The following SIPA1L1 variants were observed in gnomAD, a reference collection of about 807,000 sequenced individuals.
SIPA1L1 encodes the protein signal induced proliferation associated 1 like 1.
Under a neutral mutation model 162.7 loss-of-function variants are expected in SIPA1L1, and 26 were observed. The ratio of observed to expected loss-of-function variants is 0.16; its 90% CI spans 0.12 to 0.22. The LOEUF (loss-of-function observed/expected upper bound fraction) is 0.22. Among genes scored for constraint, SIPA1L1 ranks in the 10% least tolerant of loss-of-function variants. The pLI is 1.00. For missense variants in SIPA1L1, 1,874 were observed against 2,241.0 expected, an observed-to-expected ratio of 0.84 and a Z score of 3.31; for synonymous variants, 829 against 837.4, an observed-to-expected ratio of 0.99 and a Z score of 0.17.
At chr14:71,535,798 A>G (rs1330905554) in intron 4 of SIPA1L1, among the ~76,000 whole-genome samples, 1 of 151,928 alleles carries the variant, frequency 6.6e-6, no homozygotes, top group Non-Finnish European at 1.5e-5. Context: ...TTAGTAGACA[A>G]GGGGTTTCAC....
intron 2 of SIPA1L1, among the ~76,000 whole-genome samples, 158 bp from the exon 3 acceptor site, chr14:71,512,585 C>CAA (rs550540510): frequency 1.1e-4 from 5 of 46,378 alleles, no homozygotes; most frequent in East Asian, 7.0e-4. Context: ...GACTCTGTCT[C>CAA]AAAAAAAAAA....
chr14:71,486,896 TA>T lies in SIPA1L1; in HGVS notation c.-464-25844del, dbSNP rs201242600. ...TTAATAAATTTTTTCATGCTTCTTC[TA>T]AAGGCGCATGTTTTAGAAATATTTA... On this transcript the variant is annotated intron_variant, in intron 2 of 23. Transcript: ENST00000381232. Among the ~76,000 whole-genome samples, 39 of 152,352 alleles carry T rather than the reference TA, an allele frequency of 2.6e-4. No individual in the cohort carries two copies. The East Asian group carries it at 7.5e-3, about 29-fold the overall frequency.
chr14:71,649,732 CTA>C (rs2149066647), intron 7 of SIPA1L1, among the ~76,000 whole-genome samples: 1 of 152,184 alleles, frequency 6.6e-6, no homozygotes, highest in African/African-American at 2.4e-5. Context: ...CTTTGGAAAA[CTA>C]TTTGAAAGAG....
At chr14:71,492,719 G>A (rs544401119) in intron 2 of SIPA1L1, among the ~76,000 whole-genome samples, 16 of 152,026 alleles carry the variant, frequency 1.1e-4, no homozygotes, top group Middle Eastern at 3.4e-3. Flanking sequence ...CAATCTCCCA[G>A]GCTCAAGCGA....
chr14:71,735,137 G>A (rs1157562216), intron 21 of SIPA1L1, 140 bp from the exon 22 acceptor site: 2 of 655,134 alleles, frequency 3.1e-6, no homozygotes, highest in African/African-American at 3.6e-5. Flanking sequence ...TTCCCTGTGA[G>A]GGTTGGGAAA....
At chr14:71,676,425 A>T (rs2149438135) in intron 12 of SIPA1L1, among the ~76,000 whole-genome samples, 1 of 151,614 alleles carries the variant, frequency 6.6e-6, no homozygotes, top group South Asian at 2.1e-4. Flanking sequence ...CAGGGACAGT[A>T]TAGCAAACTT....
At chr14:71,464,811 C>T (rs1185753081) in intron 2 of SIPA1L1, among the ~76,000 whole-genome samples, 1 of 152,112 alleles carries the variant, frequency 6.6e-6, no homozygotes, top group Non-Finnish European at 1.5e-5. Flanking sequence ...AATTAGAAAA[C>T]TCAAAACAGT....
intron 2 of SIPA1L1, among the ~76,000 whole-genome samples, chr14:71,409,642 A>G (rs1360710188): frequency 6.6e-6 from 1 of 152,168 alleles, no homozygotes; most frequent in Non-Finnish European, 1.5e-5. Context: ...TGACTATATA[A>G]CATCAGTGTT....
At chr14:71,732,744 A>T (rs1441005067) in intron 20 of SIPA1L1, among the ~76,000 whole-genome samples, 28 of 152,136 alleles carry the variant, frequency 1.8e-4, no homozygotes, top group Non-Finnish European at 2.9e-5. Flanking sequence ...TCCACCCCTA[A>T]AATCACCTTC....
At chr14:71,624,274 G>A in intron 7 of SIPA1L1, 38 bp downstream of exon 7, 1 of 1,536,262 alleles carries the variant, frequency 6.5e-7, no homozygotes, top group Admixed American at 1.9e-5. Context: ...TCTTGCTCAG[G>A]TTTATTGCTA....
intron 2 of SIPA1L1, among the ~76,000 whole-genome samples, chr14:71,442,172 CAAAAAAAAA>C (rs368432068): frequency 3.8e-5 from 1 of 26,092 alleles, no homozygotes; most frequent in African/African-American, 1.1e-4. Flanking sequence ...GACTCTGTCT[CAAAAAAAAA>C]AAAAAAAAAA....
intron 2 of SIPA1L1, among the ~76,000 whole-genome samples, chr14:71,432,390 G>T (rs1360076057): frequency 6.6e-6 from 1 of 152,054 alleles, no homozygotes; most frequent in Non-Finnish European, 1.5e-5. Flanking sequence ...CTAGATTCTT[G>T]TTGGCCTCTC....
At chr14:71,634,056 CAA>C (rs554210948) in intron 7 of SIPA1L1, among the ~76,000 whole-genome samples, 5 of 121,262 alleles carry the variant, frequency 4.1e-5, no homozygotes, top group African/African-American at 3.1e-5. Flanking sequence ...ACACTAAATA[CAA>C]AAAAAAAAAA....
At chr14:71,640,301 ATCTTTGGGACCT>A (rs1358264045) in intron 7 of SIPA1L1, among the ~76,000 whole-genome samples, 2 of 152,210 alleles carry the variant, frequency 1.3e-5, no homozygotes, top group African/African-American at 4.8e-5. Context: ...ATAGGAGAAA[ATCTTTGGGACCT>A]TCAGCTTGGT....
At chr14:71,426,702 AG>A (rs1177642138) in intron 2 of SIPA1L1, among the ~76,000 whole-genome samples, 2 of 151,768 alleles carry the variant, frequency 1.3e-5, no homozygotes, top group Non-Finnish European at 2.9e-5. Flanking sequence ...ATGTTGGCCA[AG>A]CTGGTCTCAA....
chr14:71,383,408 T>C (rs1400813863), intron 2 of SIPA1L1, among the ~76,000 whole-genome samples: 1 of 152,202 alleles, frequency 6.6e-6, no homozygotes, highest in East Asian at 1.9e-4. Context: ...TGGAAGATAT[T>C]TTTAAAATGG....
At chr14:71,676,378 C>A (rs993559987) in intron 12 of SIPA1L1, among the ~76,000 whole-genome samples, 6 of 151,568 alleles carry the variant, frequency 4.0e-5, no homozygotes, top group Non-Finnish European at 8.8e-5. Flanking sequence ...CCTTATGAAT[C>A]GTTTCCAAAC....
chr14:71,615,947 G>GA (rs2038788999), intron 5 of SIPA1L1, among the ~76,000 whole-genome samples: 2 of 152,202 alleles, frequency 1.3e-5, no homozygotes, highest in Admixed American at 1.3e-4. Context: ...AGTGAGCCAA[G>GA]ATCACACCAC....
chr14:71,672,698 G>A, intron 12 of SIPA1L1, 76 bp downstream of exon 12: 4 of 1,474,198 alleles, frequency 2.7e-6, no homozygotes, highest in Non-Finnish European at 3.7e-6. Context: ...TCTCTTAGCA[G>A]GTAGTGGAGT....
Sources: gnomAD v4.1 joint callset for allele counts (sites outside exome capture counted in the v4.1 genomes callset) on GRCh38, gnomAD v4.1.1 for gene constraint, MANE v1.5 for transcripts, NCBI Gene and HGNC (gene_info 2026-07-23, HGNC 2026-07-21) for gene names.